The following USP15 variants were observed in gnomAD, a reference collection of about 807,000 sequenced individuals.
USP15 encodes ubiquitin carboxyl-terminal hydrolase 15.
A neutral mutation model predicts 127.1 loss-of-function variants in USP15; 18 were observed. That is an observed-to-expected ratio of 0.14 (90% CI 0.10 to 0.21). The LOEUF is 0.21. USP15 is among the 10% of genes least tolerant of loss of function. The probability of loss-of-function intolerance (pLI) is 1.00; values close to 1 mark genes in which losing one functional copy is unlikely to be tolerated. For synonymous variants in USP15, 364 were observed against 393.7 expected, an observed-to-expected ratio of 0.92 and a Z score of 0.89; for missense variants, 805 against 1,159.9, an observed-to-expected ratio of 0.69 and a Z score of 4.44.
chr12:62,293,615 C>G lies in USP15; in HGVS notation c.90-564C>G, dbSNP rs1414773101. Among the ~76,000 whole-genome samples, 3 of 152,176 alleles carry G rather than the reference C, an allele frequency of 2.0e-5. No homozygotes were observed. In the South Asian group the frequency reaches 6.2e-4, roughly 31 times the overall value. Reference sequence around the variant, plus strand: ...AACTGATCCACCCACCTCAGCCTTCCAAAGCGCTGGGATTACAGGCGTAAG... The same window carrying G: ...AACTGATCCACCCACCTCAGCCTTCGAAAGCGCTGGGATTACAGGCGTAAG... On this transcript the variant is annotated intron_variant, in intron 1 of 21. Transcript: ENST00000280377.
chr12:62,355,825 C>CTTTTTTTTTTTT (rs201572809), intron 8 of USP15, among the ~76,000 whole-genome samples: 15 of 124,400 alleles, frequency 1.2e-4, no homozygotes, highest in African/African-American at 1.8e-4. Context: ...CTTTTTTTTT[C>CTTTTTTTTTTTT]TTTTTTTTTT....
intron 8 of USP15, among the ~76,000 whole-genome samples, chr12:62,377,695 C>T (rs1337592126): frequency 6.6e-6 from 1 of 151,628 alleles, no homozygotes; most frequent in Non-Finnish European, 1.5e-5. Flanking sequence ...GCTCTGCACT[C>T]CAGCCTGGAC....
intron 8 of USP15, among the ~76,000 whole-genome samples, chr12:62,375,557 A>C (rs529960595): frequency 4.5e-4 from 68 of 152,166 alleles, no homozygotes; most frequent in Non-Finnish European, 7.6e-4. Context: ...CGAGGTATCA[A>C]GTTAGCCCAG....
intron 20 of USP15, among the ~76,000 whole-genome samples, chr12:62,400,625 A>C (rs1163067206): frequency 6.6e-6 from 1 of 151,972 alleles, no homozygotes; most frequent in Non-Finnish European, 1.5e-5. Context: ...AAAAAAAAAA[A>C]AAACACTATA....
chr12:62,330,062 T>C (rs1474492505), intron 6 of USP15, among the ~76,000 whole-genome samples: 1 of 152,096 alleles, frequency 6.6e-6, no homozygotes, highest in Non-Finnish European at 1.5e-5. Flanking sequence ...GTGAGATCTT[T>C]AAAACTAGAT....
intron 8 of USP15, among the ~76,000 whole-genome samples, chr12:62,379,963 G>T (rs1049845027): frequency 1.3e-5 from 2 of 152,024 alleles, no homozygotes; most frequent in Non-Finnish European, 2.9e-5. Flanking sequence ...GAGGTAAAAA[G>T]TTAGGGAAGC....
Position 62,293,329 on chromosome 12 carries a change from T to C in USP15, c.90-850T>C, listed in dbSNP as rs559973933. Among the ~76,000 whole-genome samples the C allele has an allele frequency of 4.6e-5, 7 of 152,274 alleles. No homozygotes were observed. In the South Asian group the frequency reaches 1.5e-3, roughly 32 times the overall value. On this transcript the variant is annotated intron_variant, in intron 1 of 21. Transcript: ENST00000280377. The stretch of plus-strand genomic sequence containing the variant: ...GTGTACTAGTATTCTCTCTCTGATA[T>C]TCTGTTAGAGCTGTGATTATGTGTT...
intron 5 of USP15, among the ~76,000 whole-genome samples, chr12:62,322,208 AC>A (rs2065004814): frequency 6.6e-6 from 1 of 152,122 alleles, no homozygotes; most frequent in African/African-American, 2.4e-5. Context: ...GCTCACTGCA[AC>A]CTCTGCTTCC....
rs143393091 is a variant in USP15 at position 62,372,032 on chromosome 12, A to T, written c.916-9458A>T. ...GAAATGTACATCAAGATGTATTTTA[A>T]TAAAAATAATGTGTTCGGTATTTTA... On this transcript the variant is annotated intron_variant, in intron 8 of 21. Coordinates refer to ENST00000280377, the MANE Select transcript of USP15 (RefSeq NM_001252078.2). Among the ~76,000 whole-genome samples the T allele has an allele frequency of 3.1e-3, 472 of 152,234 alleles. 1 individual carries two copies. The highest frequency in any genetic ancestry group is 9.9e-3 in the African/African-American group (410 of 41,550).
At chr12:62,307,401 AC>A (rs1169098045) in intron 3 of USP15, among the ~76,000 whole-genome samples, 1 of 152,110 alleles carries the variant, frequency 6.6e-6, no homozygotes, top group Non-Finnish European at 1.5e-5. Flanking sequence ...ATCGTTATGG[AC>A]CATTGATTCC....
chr12:62,330,533 C>T (rs112018547), intron 6 of USP15, among the ~76,000 whole-genome samples: 33,085 of 149,334 alleles, frequency 0.22, 3,998 homozygotes, highest in African/African-American at 0.33. Context: ...TTGCAGTGAG[C>T]CAAGATCACA....
At chr12:62,362,430 T>C (rs902075975) in intron 8 of USP15, among the ~76,000 whole-genome samples, 1 of 152,192 alleles carries the variant, frequency 6.6e-6, no homozygotes, top group African/African-American at 2.4e-5. Flanking sequence ...GGAGGTGATA[T>C]ACACACTTAC....
rs1305387062 is a variant in USP15 at position 62,391,196 on chromosome 12, A to C, written c.2000A>C (p.Gln667Pro). 6.2e-7 allele frequency: 1 copy of C among 1,613,566 alleles called. No individual in the cohort carries two copies. The highest frequency in any genetic ancestry group is 8.5e-7 in the Non-Finnish European group (1 of 1,179,736). ...GATGAGCCAGATGATGAATCCAGCC[A>C]GGATCAAGAACTTCCCTCAGAGAAT... is the stretch of plus-strand genomic sequence containing the variant. The part of the protein sequence containing the change: ...ETDEPDDESS[Q>P]DQELPSENEN... The change falls in exon 16 of 22, where the codon CAG (glutamine) becomes CCG (proline). Residue 667 changes from glutamine to proline, a missense_variant. By Grantham distance (76) the Gln-to-Pro change is moderately conservative. Transcript: ENST00000280377.
At chr12:62,289,427 T>C (rs1029768543) in intron 1 of USP15, among the ~76,000 whole-genome samples, 2 of 152,178 alleles carry the variant, frequency 1.3e-5, no homozygotes, top group Non-Finnish European at 2.9e-5. Context: ...TGACCTTTTG[T>C]ATTTCTGCAG....
intron 1 of USP15, among the ~76,000 whole-genome samples, chr12:62,293,959 G>T (rs1417829377): frequency 6.6e-6 from 1 of 151,932 alleles, no homozygotes; most frequent in Non-Finnish European, 1.5e-5. Flanking sequence ...TTTTATGTCA[G>T]TATTTGTCAT....
intron 8 of USP15, among the ~76,000 whole-genome samples, chr12:62,370,393 TC>T (rs1422937962): frequency 6.6e-6 from 1 of 152,264 alleles, no homozygotes; most frequent in South Asian, 2.1e-4. Context: ...CATTCAATAG[TC>T]CTTATCTCAC....
intron 3 of USP15, among the ~76,000 whole-genome samples, chr12:62,310,069 G>A (rs2064615489): frequency 6.6e-6 from 1 of 151,876 alleles, no homozygotes. Context: ...CCAAAAATAT[G>A]TACTGGTAAA....
intron 11 of USP15, among the ~76,000 whole-genome samples, chr12:62,387,573 A>C (rs376747711): frequency 6.6e-6 from 1 of 152,188 alleles, no homozygotes; most frequent in Non-Finnish European, 1.5e-5. Flanking sequence ...CAGTCATATT[A>C]CAAAGAGGTC....
chr12:62,325,296 T>C (rs2065095867), intron 5 of USP15, among the ~76,000 whole-genome samples: 1 of 152,038 alleles, frequency 6.6e-6, no homozygotes, highest in Admixed American at 6.6e-5. Flanking sequence ...TTCTCATAAA[T>C]GGGACTCTAT....
Sources: allele counts gnomAD v4.1 joint callset (sites outside exome capture counted in the v4.1 genomes callset), GRCh38; gene constraint gnomAD v4.1.1; transcripts MANE v1.5; gene names NCBI Gene and HGNC (gene_info 2026-07-23, HGNC 2026-07-21).